Variants in LRRTM4 observed in about 807,000 individuals in gnomAD.
LRRTM4 encodes the protein leucine-rich repeat transmembrane neuronal protein 4.
Under a neutral mutation model 47.6 loss-of-function variants are expected in LRRTM4, and 25 were observed. The ratio of observed to expected loss-of-function variants is 0.53; its 90% CI spans 0.38 to 0.73. The LOEUF (loss-of-function observed/expected upper bound fraction) is 0.73, where lower values mean the gene tolerates loss of function less well. LRRTM4 is among the 30% of genes least tolerant of loss of function. The pLI, the probability that LRRTM4 is intolerant of heterozygous loss-of-function variation, is 0.00. For missense variants in LRRTM4, 638 were observed against 713.4 expected, an observed-to-expected ratio of 0.89 and a Z score of 1.20; for synonymous variants, 311 against 269.5, an observed-to-expected ratio of 1.15 and a Z score of -1.51.
intron 3 of LRRTM4, among the ~76,000 whole-genome samples, chr2:77,423,109 A>G (rs933264515): frequency 2.6e-5 from 4 of 152,118 alleles, no homozygotes; most frequent in African/African-American, 9.7e-5. Context: ...TTTTAGCACT[A>G]TTCATTTTAA....
intron 3 of LRRTM4, among the ~76,000 whole-genome samples, chr2:77,099,930 T>C (rs767507250): frequency 6.6e-6 from 1 of 152,180 alleles, no homozygotes; most frequent in Non-Finnish European, 1.5e-5. Context: ...AGTGCAGGTG[T>C]ATAACTTTCT....
chr2:77,370,651 A>G (rs1015727932), intron 3 of LRRTM4, among the ~76,000 whole-genome samples: 1 of 151,736 alleles, frequency 6.6e-6, no homozygotes, highest in African/African-American at 2.4e-5. Context: ...GGATTGATGT[A>G]GCTATCTGCC....
chr2:77,431,261 C>T (rs1441046), intron 3 of LRRTM4, among the ~76,000 whole-genome samples: 1 of 147,768 alleles, frequency 6.8e-6, no homozygotes, highest in East Asian at 1.9e-4. Flanking sequence ...ATAAATAATA[C>T]AATTTTTTTT....
intron 3 of LRRTM4, among the ~76,000 whole-genome samples, chr2:76,839,479 A>G (rs568626280): frequency 8.5e-4 from 129 of 152,264 alleles, no homozygotes; most frequent in African/African-American, 3.0e-3. Flanking sequence ...TTTACAAGCA[A>G]TATCTTTTCT....
intron 3 of LRRTM4, among the ~76,000 whole-genome samples, chr2:77,090,339 G>A (rs1558574554): frequency 6.6e-6 from 1 of 152,080 alleles, no homozygotes; most frequent in Non-Finnish European, 1.5e-5. Flanking sequence ...TCGTTTGACA[G>A]CAACCCTGAG....
intron 3 of LRRTM4, among the ~76,000 whole-genome samples, chr2:76,869,266 AC>A (rs1339928399): frequency 6.6e-6 from 1 of 151,906 alleles, no homozygotes; most frequent in Non-Finnish European, 1.5e-5. Context: ...CCGAGATCAC[AC>A]CACTGCACTC....
chr2:77,266,765 G>T (rs2104057332), intron 3 of LRRTM4, among the ~76,000 whole-genome samples: 1 of 152,242 alleles, frequency 6.6e-6, no homozygotes, highest in South Asian at 2.1e-4. Flanking sequence ...TGGGGCTTCA[G>T]ACTGCAGGAC....
intron 3 of LRRTM4, among the ~76,000 whole-genome samples, chr2:76,951,013 A>G (rs764190525): frequency 4.6e-5 from 7 of 152,060 alleles, no homozygotes; most frequent in Non-Finnish European, 7.4e-5. Context: ...CTGCATATTA[A>G]TGTTTTCTAT....
chr2:77,431,639 G>A (rs1432150192), intron 3 of LRRTM4, among the ~76,000 whole-genome samples: 1 of 149,170 alleles, frequency 6.7e-6, no homozygotes, highest in East Asian at 1.9e-4. Flanking sequence ...ATGACAATCA[G>A]GGTGTGATTT....
rs180980787 is a variant in LRRTM4, at chr2:77,512,194, T to C, written c.1551+6124A>G. Reference sequence around the variant, plus strand: ...ATTTCTCTTGGCAGTGATAGCATTATTTTTAAACTCTTTAGCAGGAGTTTA... The same window carrying C: ...ATTTCTCTTGGCAGTGATAGCATTACTTTTAAACTCTTTAGCAGGAGTTTA... On this transcript the variant is annotated intron_variant, in intron 3 of 3. Coordinates refer to ENST00000409884, the MANE Select transcript of LRRTM4 (RefSeq NM_001134745.3). Among the ~76,000 whole-genome samples the C allele has an allele frequency of 2.6e-3, 399 of 152,310 alleles. 3 individuals carry two copies. Among genetic ancestry groups the C allele is most frequent in the African/African-American group, 9.2e-3 (381 of 41,580 alleles).
chr2:77,105,659 TA>T (rs953572513), intron 3 of LRRTM4, among the ~76,000 whole-genome samples: 119 of 151,474 alleles, frequency 7.9e-4, no homozygotes, highest in African/African-American at 2.6e-3. Context: ...TAAAGTATAA[TA>T]AAAAAAAGAG....
intron 3 of LRRTM4, among the ~76,000 whole-genome samples, chr2:77,101,255 G>T (rs1670945434): frequency 6.6e-6 from 1 of 151,988 alleles, no homozygotes; most frequent in Non-Finnish European, 1.5e-5. Flanking sequence ...TTATAGGGTT[G>T]GTAAATAAAG....
intron 3 of LRRTM4, among the ~76,000 whole-genome samples, chr2:77,515,984 T>C (rs1183906875): frequency 6.6e-6 from 1 of 151,888 alleles, no homozygotes. Flanking sequence ...TTTTGTATGC[T>C]TTCGTTTTAA....
At chr2:77,163,703 C>G (rs1672796820) in intron 3 of LRRTM4, among the ~76,000 whole-genome samples, 2 of 152,246 alleles carry the variant, frequency 1.3e-5, no homozygotes, top group South Asian at 4.1e-4. Flanking sequence ...CATATCGAGC[C>G]AAACTAAGCT....
At chr2:77,394,630 G>A (rs1673628861) in intron 3 of LRRTM4, among the ~76,000 whole-genome samples, 1 of 151,950 alleles carries the variant, frequency 6.6e-6, no homozygotes, top group Non-Finnish European at 1.5e-5. Context: ...TACACAACAA[G>A]TTACAGGAGG....
chr2:77,075,055 A>G (rs1680286695), intron 3 of LRRTM4, among the ~76,000 whole-genome samples: 1 of 152,204 alleles, frequency 6.6e-6, no homozygotes, highest in Non-Finnish European at 1.5e-5. Context: ...CCAGATCAAT[A>G]TTCTTGCATA....
At chr2:77,406,679 T>C (rs1296861273) in intron 3 of LRRTM4, among the ~76,000 whole-genome samples, 1 of 152,160 alleles carries the variant, frequency 6.6e-6, no homozygotes. Flanking sequence ...TAGGTGTTAC[T>C]ATTATCATTG....
At chr2:76,755,818 A>T (rs1347886528) in intron 3 of LRRTM4, among the ~76,000 whole-genome samples, 1 of 152,164 alleles carries the variant, frequency 6.6e-6, no homozygotes, top group African/African-American at 2.4e-5. Context: ...TTCTATTTGT[A>T]AACTAAAATT....
chr2:77,238,820 A>G (rs774153791), intron 3 of LRRTM4, among the ~76,000 whole-genome samples: 4 of 151,984 alleles, frequency 2.6e-5, no homozygotes, highest in Admixed American at 6.6e-5. Flanking sequence ...ATTGAAAGAA[A>G]CCAAAATGTC....
Sources: allele counts gnomAD v4.1 joint callset (sites outside exome capture counted in the v4.1 genomes callset), GRCh38; gene constraint gnomAD v4.1.1; transcripts MANE v1.5; gene names NCBI Gene and HGNC (gene_info 2026-07-23, HGNC 2026-07-21).